The following VPS13B variants were observed in gnomAD, a reference collection of about 807,000 sequenced individuals.
The protein encoded by VPS13B is vacuolar protein sorting 13 homolog B.
Under a neutral mutation model 426.4 loss-of-function variants are expected in VPS13B, and 285 were observed. The ratio of observed to expected loss-of-function variants is 0.67; its 90% CI spans 0.61 to 0.74. The LOEUF (loss-of-function observed/expected upper bound fraction) is 0.74, where lower values mean the gene tolerates loss of function less well. VPS13B is among the 30% of genes least tolerant of loss of function. The pLI, the probability that VPS13B is intolerant of heterozygous loss-of-function variation, is 0.00. For missense variants in VPS13B, 4,537 were observed against 4,782.6 expected (o/e 0.95, Z 1.51); for synonymous variants, 1,676 against 1,676.4 (o/e 1.00, Z 0.01).
intron 31 of VPS13B, among the ~76,000 whole-genome samples, chr8:99,573,798 C>T (rs1393601985): frequency 7.2e-5 from 11 of 151,998 alleles, no homozygotes; most frequent in Admixed American, 2.6e-4. Context: ...TTTTTGGTTC[C>T]ATATGAACTT....
At position 99,875,350 on chromosome 8, in the gene VPS13B, A is replaced by C. The variant is rs533519553; in HGVS notation, c.11746-68A>C. 297 of 1,608,742 alleles carry C rather than the reference A, an allele frequency of 1.8e-4. 7 individuals carry two copies. In the South Asian group the frequency reaches 3.0e-3, roughly 16 times the overall value. ...TAATGTACAAATATATCGAGGCAAA[A>C]GAACTAATTTTGTTCTGGAACTCTC... On this transcript the variant is annotated intron_variant, in intron 61 of 61. Transcript: ENST00000357162.
rs537234754 is a variant in VPS13B at position 99,493,353 on chromosome 8, C to T, written c.3871-8334C>T. On this transcript the variant is annotated intron_variant, in intron 25 of 61. Transcript: ENST00000357162. ...GTCCTACTCTCTAGAAAACTGTTTT[C>T]ATTTGAAATTTCTCCTAATCACTGT... Among the ~76,000 whole-genome samples, 4 of 152,208 alleles carry T rather than the reference C, an allele frequency of 2.6e-5. No homozygotes were observed. In the South Asian group the frequency reaches 8.3e-4, roughly 32 times the overall value.
At chr8:99,815,081 A>C (rs531737882) in intron 44 of VPS13B, among the ~76,000 whole-genome samples, 23 of 150,732 alleles carry the variant, frequency 1.5e-4, no homozygotes, top group Non-Finnish European at 3.0e-4. Context: ...AACCGCACTG[A>C]TGAGGGGGTG....
intron 43 of VPS13B, among the ~76,000 whole-genome samples, chr8:99,800,412 A>T (rs1294120617): frequency 6.6e-6 from 1 of 152,138 alleles, no homozygotes; most frequent in African/African-American, 2.4e-5. Context: ...TGTTGAAATG[A>T]CCTATTTAAA....
At chr8:99,536,652 T>G (rs1823243667) in intron 30 of VPS13B, 1 of 534,278 alleles carries the variant, frequency 1.9e-6, no homozygotes, top group South Asian at 1.4e-5. Context: ...CAAGTATGGG[T>G]TTGATAAACT....
chr8:99,823,676 T>G (rs1186114547), intron 50 of VPS13B, among the ~76,000 whole-genome samples, 156 bp from the exon 51 acceptor site: 3 of 152,174 alleles, frequency 2.0e-5, no homozygotes, highest in African/African-American at 7.2e-5. Flanking sequence ...TTTCTGAGAA[T>G]GAAAGGAACG....
intron 17 of VPS13B, among the ~76,000 whole-genome samples, chr8:99,216,534 G>A (rs1289543026): frequency 6.6e-6 from 1 of 151,806 alleles, no homozygotes; most frequent in Non-Finnish European, 1.5e-5. Context: ...AATTTGGGTG[G>A]AGGAGAATAG....
chr8:99,064,925 C>T (rs1331423516), intron 3 of VPS13B, among the ~76,000 whole-genome samples: 1 of 152,192 alleles, frequency 6.6e-6, no homozygotes, highest in East Asian at 1.9e-4. Context: ...AGAAACTCTA[C>T]AAGCCAGAAG....
chr8:99,847,842 T>A (rs973433948), intron 54 of VPS13B, among the ~76,000 whole-genome samples: 1 of 152,210 alleles, frequency 6.6e-6, no homozygotes, highest in Non-Finnish European at 1.5e-5. Flanking sequence ...AAAATTAGAA[T>A]ATATTCATTG....
intron 44 of VPS13B, among the ~76,000 whole-genome samples, chr8:99,814,374 G>A (rs529561692): frequency 2.2e-4 from 34 of 152,184 alleles, no homozygotes; most frequent in Non-Finnish European, 1.6e-4. Context: ...CGAGGAGGAA[G>A]AAGGCTGGTT....
intron 19 of VPS13B, among the ~76,000 whole-genome samples, chr8:99,298,106 G>A (rs545051859): frequency 1.3e-5 from 2 of 152,266 alleles, no homozygotes; most frequent in South Asian, 4.1e-4. Flanking sequence ...AAATATTAGT[G>A]CTAAATAAGT....
chr8:99,291,736 A>G (rs1025745129), intron 19 of VPS13B, among the ~76,000 whole-genome samples: 5 of 152,164 alleles, frequency 3.3e-5, no homozygotes, highest in African/African-American at 1.2e-4. Flanking sequence ...GGAAGGATTG[A>G]TATTTAAGCC....
chr8:99,873,713 C>T (rs1050275676), intron 61 of VPS13B, among the ~76,000 whole-genome samples: 1 of 152,190 alleles, frequency 6.6e-6, no homozygotes, highest in African/African-American at 2.4e-5. Flanking sequence ...AGCTGCAGAG[C>T]GTCTTTGAGA....
intron 35 of VPS13B, among the ~76,000 whole-genome samples, chr8:99,669,563 A>G (rs1429132732): frequency 6.6e-6 from 1 of 152,162 alleles, no homozygotes; most frequent in Admixed American, 6.5e-5. Flanking sequence ...GTTATATCAA[A>G]CACAAGACAA....
Position 99,026,477 on chromosome 8 carries a change from C to G in VPS13B, c.148-11946C>G, listed in dbSNP as rs1276210826. On this transcript the variant is annotated intron_variant, in intron 2 of 61. Coordinates refer to ENST00000357162, the MANE Select transcript of VPS13B (RefSeq NM_152564.5). ...TGTTAGGTCTATTTGGTCTAAAGTG[C>G]AATTGAAATTTGATATTTTTGGCTG... Among the ~76,000 whole-genome samples the G allele has an allele frequency of 2.0e-5, 3 of 152,132 alleles. No homozygotes were observed. The East Asian group carries it at 5.8e-4, about 29-fold the overall frequency.
At position 99,439,727 on chromosome 8, in the gene VPS13B, A is replaced by G. The variant is rs1292481541; in HGVS notation, c.3211-2674A>G. Among the ~76,000 whole-genome samples, 5 of 152,200 alleles carry G rather than the reference A, an allele frequency of 3.3e-5. No individual in the cohort carries two copies. The East Asian group carries it at 9.6e-4, about 29-fold the overall frequency. On this transcript the variant is annotated intron_variant, in intron 22 of 61. Coordinates refer to ENST00000357162, the MANE Select transcript of VPS13B (RefSeq NM_152564.5). ...CAACATTTCAAAGCTTTTATCTATA[A>G]AGTGCTTTATATGATGGGCAGTGGC...
intron 27 of VPS13B, among the ~76,000 whole-genome samples, chr8:99,505,305 G>A (rs1218010276): frequency 6.6e-6 from 1 of 152,188 alleles, no homozygotes; most frequent in African/African-American, 2.4e-5. Flanking sequence ...GGCACAAGAA[G>A]CTTTGTTTTC....
chr8:99,770,311 A>G lies in VPS13B; in HGVS notation c.7247+3341A>G, dbSNP rs192565769. The stretch of plus-strand genomic sequence containing the variant: ...AGCCTTCCCCTTCTATTTGCTGTGC[A>G]CTGGACTAGAGGCAAGGGATGCACC... On this transcript the variant is annotated intron_variant, in intron 40 of 61. Coordinates refer to ENST00000357162, the MANE Select transcript of VPS13B (RefSeq NM_152564.5). 6.3e-3 allele frequency among the ~76,000 whole-genome samples: 960 copies of G among 152,242 alleles called. 8 individuals carry two copies. Among genetic ancestry groups the G allele is most frequent in the Middle Eastern group, 0.017 (5 of 294 alleles).
intron 8 of VPS13B, among the ~76,000 whole-genome samples, chr8:99,130,211 G>A (rs36124534): frequency 6.6e-6 from 1 of 152,046 alleles, no homozygotes; most frequent in African/African-American, 2.4e-5. Context: ...TCATTGCTCA[G>A]CTTAGATTTG....
Sources: gnomAD v4.1 joint callset for allele counts (sites outside exome capture counted in the v4.1 genomes callset) on GRCh38, gnomAD v4.1.1 for gene constraint, MANE v1.5 for transcripts, NCBI Gene and HGNC (gene_info 2026-07-23, HGNC 2026-07-21) for gene names.